TRDMT1: variants seen among roughly 807,000 people sequenced by gnomAD.
TRDMT1 encodes tRNA aspartic acid methyltransferase 1.
Under a neutral mutation model 51.2 loss-of-function variants are expected in TRDMT1, and 49 were observed. The observed-to-expected ratio is 0.96, with a 90% CI of 0.76 to 1.21. The LOEUF (loss-of-function observed/expected upper bound fraction) is 1.21, where lower values mean the gene tolerates loss of function less well. TRDMT1 is among the 50% of genes most tolerant of loss of function. The pLI is 0.00. For missense variants in TRDMT1, 534 were observed against 462.3 expected, an observed-to-expected ratio of 1.16 and a Z score of -1.42; for synonymous variants, 187 against 164.6, an observed-to-expected ratio of 1.14 and a Z score of -1.04.
At chr10:17,150,597 T>C (rs1838565212) in intron 10 of TRDMT1, 1 of 985,156 alleles carries the variant, frequency 1.0e-6, no homozygotes, top group Non-Finnish European at 1.2e-6. Flanking sequence ...TACTCTAGCA[T>C]AGCAAGGAAA....
chr10:17,173,420 A>C (rs1020738386), intron 2 of TRDMT1, among the ~76,000 whole-genome samples: 3 of 152,194 alleles, frequency 2.0e-5, no homozygotes, highest in African/African-American at 7.2e-5. Context: ...CATCAACACT[A>C]AACAAAAGCA....
In TRDMT1 at chr10:17,174,558, G is replaced by A. The variant is rs764303638; in HGVS notation, c.167C>T (p.Thr56Met). 5.6e-6 allele frequency: 9 copies of A among 1,607,030 alleles called. No homozygotes were observed. The highest frequency in any genetic ancestry group is 6.8e-6 in the Non-Finnish European group (8 of 1,173,844). ...NFPHTQLLAK[T>M]IEGITLEEFD... The stretch of plus-strand genomic sequence containing the variant: ...ACAATGACAATTACTCACTTCAATC[G>A]TCTTGGCAAGTAACTGTGTGTGAGG... Residue 56 changes from threonine to methionine, a missense_variant, in exon 2 of 11, where the codon ACG (threonine) becomes ATG (methionine). Transcript: ENST00000377799.
At chr10:17,150,837 T>A in intron 10 of TRDMT1, 1 of 984,982 alleles carries the variant, frequency 1.0e-6, no homozygotes, top group Non-Finnish European at 1.2e-6. Flanking sequence ...GCACATTATT[T>A]ATCTAAAATT....
At chr10:17,163,281 A>T (rs1367496688) in intron 3 of TRDMT1, among the ~76,000 whole-genome samples, 1 of 152,156 alleles carries the variant, frequency 6.6e-6, no homozygotes, top group Non-Finnish European at 1.5e-5. Context: ...ACTTGAATTG[A>T]GCCCGAGCAG....
intron 6 of TRDMT1, 27 bp downstream of exon 6, chr10:17,160,278 A>G (rs753779127): frequency 5.8e-6 from 8 of 1,386,728 alleles, no homozygotes; most frequent in Middle Eastern, 5.3e-4. Flanking sequence ...TATAATTTAT[A>G]TAAGCATTTA....
rs536492305 is a variant in TRDMT1, at chr10:17,168,669, G to T, written c.251+172C>A. Among the ~76,000 whole-genome samples, 394 of 152,302 alleles carry T rather than the reference G, an allele frequency of 2.6e-3. 2 individuals are homozygous for T. Among genetic ancestry groups the T allele is most frequent in the African/African-American group, 8.9e-3 (371 of 41,566 alleles). The stretch of plus-strand genomic sequence containing the variant: ...CACAACATCTCTCTCTTTACCTGCT[G>T]CCCGTGACTTGTTCCTCCTTGCCTT... On this transcript the variant is annotated intron_variant, in intron 3 of 10. Coordinates refer to ENST00000377799, the MANE Select transcript of TRDMT1 (RefSeq NM_004412.7).
intron 5 of TRDMT1, 104 bp from the exon 6 acceptor site, chr10:17,160,478 T>C: frequency 1.3e-6 from 1 of 764,560 alleles, no homozygotes; most frequent in South Asian, 2.8e-5. Context: ...TCTTGTTTTT[T>C]TGGTTTTTTT....
chr10:17,158,540 T>C (rs1839874798), intron 7 of TRDMT1, among the ~76,000 whole-genome samples: 2 of 152,152 alleles, frequency 1.3e-5, no homozygotes, highest in Non-Finnish European at 2.9e-5. Flanking sequence ...TGTCCTTACC[T>C]ATGAAAGTTA....
Position 17,148,982 on chromosome 10 carries a change from A to C in TRDMT1, c.*58T>G. On this transcript the variant is annotated 3_prime_UTR_variant, in exon 11 of 11. Transcript: ENST00000377799. Reference sequence around the variant, plus strand: ...GAATTAGTTCAAAACAGAATTTCAGAATTACTCTCTGAAAATGAAGGAATA... The same window carrying C: ...GAATTAGTTCAAAACAGAATTTCAGCATTACTCTCTGAAAATGAAGGAATA... 1 of 1,490,898 alleles carries C rather than the reference A, an allele frequency of 6.7e-7. No homozygotes were observed. The highest frequency in any genetic ancestry group is 2.5e-4 in the Middle Eastern group (1 of 4,072). 92.4% of individuals were successfully genotyped at this position (1,490,898 alleles called of 1,614,324 possible).
In TRDMT1 at chr10:17,140,980, G is replaced by A. The variant is rs1475829841; in HGVS notation, c.*8060C>T. Among the ~76,000 whole-genome samples, 1 of 152,134 alleles carries A rather than the reference G, an allele frequency of 6.6e-6. No individual in the cohort carries two copies. Among genetic ancestry groups the A allele is most frequent in the Non-Finnish European group, 1.5e-5 (1 of 68,022 alleles). On this transcript the variant is annotated 3_prime_UTR_variant, in exon 11 of 11. Transcript: ENST00000377799. The stretch of plus-strand genomic sequence containing the variant: ...TGTAAAGAGCTGCATAGAGGTATAT[G>A]TGTATCGATACATATATAGATAAAA...
In TRDMT1 at chr10:17,174,534, C is replaced by T; in HGVS notation, c.174+17G>A. 4.5e-6 allele frequency: 7 copies of T among 1,543,408 alleles called. No homozygotes were observed. The highest frequency in any genetic ancestry group is 5.4e-6 in the Non-Finnish European group (6 of 1,116,160). ...TTCCCTTGCTACATACTTATTAAAA[C>T]AATGACAATTACTCACTTCAATCGT... On this transcript the variant is annotated intron_variant, in intron 2 of 10. Transcript: ENST00000377799.
At position 17,141,051 on chromosome 10, in the gene TRDMT1, T is replaced by C. The variant is rs993120515; in HGVS notation, c.*7989A>G. Among the ~76,000 whole-genome samples the C allele has an allele frequency of 1.3e-5, 2 of 152,264 alleles. No homozygotes were observed. The highest frequency in any genetic ancestry group is 1.9e-4 in the East Asian group (1 of 5,204). On this transcript the variant is annotated 3_prime_UTR_variant, in exon 11 of 11. Transcript: ENST00000377799. ...GTTTGGCTAGATATAGAATTCATAG[T>C]TGACAATGCCACCTCCTTCTGGTCC...
At position 17,145,522 on chromosome 10, in the gene TRDMT1, C is replaced by A; in HGVS notation, c.*3518G>T. The A allele has an allele frequency of 1.0e-6, 1 of 985,446 alleles. No individual in the cohort carries two copies. The highest frequency in any genetic ancestry group is 1.2e-6 in the Non-Finnish European group (1 of 829,946). The allele number at this position is 985,446 out of a possible 1,614,324, so 61.0% of individuals were successfully genotyped here. A position where few individuals can be genotyped will look rare whatever the true frequency, so the allele number is the denominator to read the frequency against. ...CTGCTGAGGCTATATGACCCTCACA[C>A]AGTTTCAAAGTCCAAAGCTATTAGT... On this transcript the variant is annotated 3_prime_UTR_variant, in exon 11 of 11. Coordinates refer to ENST00000377799, the MANE Select transcript of TRDMT1 (RefSeq NM_004412.7).
At chr10:17,195,241 G>T (rs373565666) in intron 1 of TRDMT1, among the ~76,000 whole-genome samples, 1 of 152,190 alleles carries the variant, frequency 6.6e-6, no homozygotes, top group African/African-American at 2.4e-5. Flanking sequence ...AGAAAATGTG[G>T]TATATATACA....
chr10:17,158,976 G>A (rs1176163683), intron 7 of TRDMT1, among the ~76,000 whole-genome samples, 170 bp downstream of exon 7: 5 of 151,980 alleles, frequency 3.3e-5, no homozygotes, highest in Admixed American at 2.6e-4. Flanking sequence ...CAATAAAAGT[G>A]GCAAGATGAA....
In TRDMT1 at chr10:17,147,044, A is replaced by G. The variant is rs957825817; in HGVS notation, c.*1996T>C. 1 of 985,698 alleles carries G rather than the reference A, an allele frequency of 1.0e-6. No individual in the cohort carries two copies. Among genetic ancestry groups the G allele is most frequent in the Non-Finnish European group, 1.2e-6 (1 of 829,918 alleles). 61.1% of individuals were successfully genotyped at this position (985,698 alleles called of 1,614,324 possible). A position where few individuals can be genotyped will look rare whatever the true frequency, so the allele number is the denominator to read the frequency against. On this transcript the variant is annotated 3_prime_UTR_variant, in exon 11 of 11. Transcript: ENST00000377799. Reference sequence around the variant, plus strand: ...AGCAAATGTCTCTACAGACCTTTCAAGTATTTATAGTTGGTGCACAGTAAC... The same window carrying G: ...AGCAAATGTCTCTACAGACCTTTCAGGTATTTATAGTTGGTGCACAGTAAC...
chr10:17,169,694 A>C (rs562108566), intron 2 of TRDMT1, among the ~76,000 whole-genome samples: 1 of 152,344 alleles, frequency 6.6e-6, no homozygotes, highest in South Asian at 2.1e-4. Context: ...AAGTTCAAGC[A>C]CATGAATAAA....
At chr10:17,191,705 C>G (rs1844707923) in intron 1 of TRDMT1, among the ~76,000 whole-genome samples, 1 of 152,172 alleles carries the variant, frequency 6.6e-6, no homozygotes, top group Admixed American at 6.5e-5. Flanking sequence ...CATCTTCTCA[C>G]TGGCATTTGA....
At chr10:17,196,468 T>G (rs915860741) in intron 1 of TRDMT1, among the ~76,000 whole-genome samples, 41 of 152,368 alleles carry the variant, frequency 2.7e-4, no homozygotes, top group African/African-American at 8.9e-4. Flanking sequence ...GCAGGTGACC[T>G]TGCAGGCTCC....
Sources: gnomAD v4.1 joint callset for allele counts (sites outside exome capture counted in the v4.1 genomes callset) on GRCh38, gnomAD v4.1.1 for gene constraint, MANE v1.5 for transcripts, NCBI Gene and HGNC (gene_info 2026-07-23, HGNC 2026-07-21) for gene names.